ABCD3: variants seen among roughly 807,000 people sequenced by gnomAD.
The protein encoded by ABCD3 is ATP-binding cassette sub-family D member 3.
A neutral mutation model predicts 105.5 loss-of-function variants in ABCD3; 41 were observed. The observed-to-expected ratio is 0.39, with a 90% CI of 0.30 to 0.50. The LOEUF (loss-of-function observed/expected upper bound fraction) is 0.50. ABCD3 is among the 20% of genes least tolerant of loss of function. The probability of loss-of-function intolerance (pLI) is 0.84; values close to 1 mark genes in which losing one functional copy is unlikely to be tolerated. For synonymous variants in ABCD3, 258 were observed against 269.0 expected, an observed-to-expected ratio of 0.96 and a Z score of 0.40; for missense variants, 622 against 806.3, an observed-to-expected ratio of 0.77 and a Z score of 2.77.
Position 94,487,100 on chromosome 1 carries a change from A to G in ABCD3, c.898-442A>G, listed in dbSNP as rs182980112. On this transcript the variant is annotated intron_variant, in intron 10 of 22. Transcript: ENST00000370214. Reference sequence around the variant, plus strand: ...ATTGGGTGTAATACAATTCTTAGATAAAGCACAGACCATGTGTCTCCACTG... The same window carrying G: ...ATTGGGTGTAATACAATTCTTAGATGAAGCACAGACCATGTGTCTCCACTG... 1.7e-4 allele frequency among the ~76,000 whole-genome samples: 26 copies of G among 152,252 alleles called. 1 individual carries two copies. The highest frequency in any genetic ancestry group is 1.7e-3 in the Admixed American group (26 of 15,294).
At chr1:94,514,925 A>G (rs1650853426) in intron 21 of ABCD3, 1 of 524,116 alleles carries the variant, frequency 1.9e-6, no homozygotes, top group East Asian at 3.1e-5. Flanking sequence ...AAAGAAAATA[A>G]TACACTTAAT....
At chr1:94,428,443 T>C (rs1659552409) in intron 1 of ABCD3, among the ~76,000 whole-genome samples, 1 of 152,238 alleles carries the variant, frequency 6.6e-6, no homozygotes, top group Admixed American at 6.5e-5. Flanking sequence ...CAACATGTTA[T>C]GTTTATAATG....
intron 19 of ABCD3, among the ~76,000 whole-genome samples, 166 bp downstream of exon 19, chr1:94,499,200 A>G (rs1326271838): frequency 6.6e-6 from 1 of 152,190 alleles, no homozygotes; most frequent in Non-Finnish European, 1.5e-5. Context: ...CCTTGGCTTA[A>G]AAAGAGTTTA....
At chr1:94,413,646 T>C (rs1347175278), upstream of ABCD3, among the ~76,000 whole-genome samples, 1 of 152,218 alleles carries the variant, frequency 6.6e-6, no homozygotes, top group Non-Finnish European at 1.5e-5. Context: ...TGTCCTTTCC[T>C]TGGTGCAGTT....
chr1:94,453,379 C>T (rs1376961509), intron 1 of ABCD3, among the ~76,000 whole-genome samples: 1 of 147,510 alleles, frequency 6.8e-6, no homozygotes, highest in East Asian at 2.0e-4. Context: ...AGTGCAGTGG[C>T]GCGATCTCGG....
chr1:94,486,759 A>T (rs567219569), intron 10 of ABCD3, among the ~76,000 whole-genome samples: 5 of 152,356 alleles, frequency 3.3e-5, no homozygotes, highest in African/African-American at 1.2e-4. Context: ...GAGTCACAAA[A>T]TATAGATACC....
rs1189743290 is a variant in ABCD3 at position 94,478,324 on chromosome 1, G to C, written c.684+9G>C. 6.3e-7 allele frequency: 1 copy of C among 1,591,884 alleles called. No homozygotes were observed. The highest frequency in any genetic ancestry group is 1.7e-5 in the Admixed American group (1 of 59,854). On this transcript the variant is annotated intron_variant, in intron 8 of 22. Transcript: ENST00000370214. ...GTGCAATTGGAGCTCAGGTGAGTCTGCTTTTATTTCAACTTTTAAATTGAT... is the reference window on the plus strand; with the variant it reads ...GTGCAATTGGAGCTCAGGTGAGTCTCCTTTTATTTCAACTTTTAAATTGAT...
intron 10 of ABCD3, among the ~76,000 whole-genome samples, chr1:94,484,427 C>A (rs1410321802): frequency 1.3e-5 from 2 of 152,160 alleles, no homozygotes; most frequent in Non-Finnish European, 2.9e-5. Context: ...GAAAATGTGG[C>A]ACATATACAC....
Position 94,498,691 on chromosome 1 carries a change from T to C in ABCD3, c.1464+12T>C. The C allele has an allele frequency of 6.2e-7, 1 of 1,613,804 alleles. No homozygotes were observed. Among genetic ancestry groups the C allele is most frequent in the Non-Finnish European group, 8.5e-7 (1 of 1,179,930 alleles). The stretch of plus-strand genomic sequence containing the variant: ...GTGTTCTTGGTGAAGTAAGTACAAG[T>C]TGGCCTCAAAATTTTGCAGTCTTAT... On this transcript the variant is annotated intron_variant, in intron 17 of 22. Transcript: ENST00000370214.
rs374518219 is a variant in ABCD3 at position 94,489,780 on chromosome 1, A to C, written c.1213A>C (p.Lys405Gln). 1.2e-6 allele frequency: 2 copies of C among 1,613,246 alleles called. No individual in the cohort carries two copies. The highest frequency in any genetic ancestry group is 2.7e-5 in the African/African-American group (2 of 74,898). The change falls in exon 14 of 23, where the codon AAA becomes CAA. Residue 405 changes from lysine (K) to glutamine (Q), a missense_variant. Around this residue, in one of 4 missense-constraint regions of ABCD3, gnomAD observed 285 missense variants for 352.5 expected, o/e 0.81. Transcript: ENST00000370214. ...AGTACTGAAGGATTTAAATCATGGC[A>C]AATATGAGCGCACAATGGTCTCACA... ...MQVLKDLNHG[K>Q]YERTMVSQQE...
chr1:94,421,183 T>C (rs1000629533), intron 1 of ABCD3, among the ~76,000 whole-genome samples: 1 of 152,158 alleles, frequency 6.6e-6, no homozygotes, highest in Non-Finnish European at 1.5e-5. Flanking sequence ...ACATTCTATA[T>C]TCTTGTTTCA....
intron 13 of ABCD3, 104 bp downstream of exon 13, chr1:94,488,087 A>G: frequency 1.0e-6 from 1 of 957,510 alleles, no homozygotes; most frequent in Admixed American, 2.5e-5. Flanking sequence ...AACATTTCCT[A>G]GCCCAGGAAG....
At chr1:94,396,827 G>A in the ABCD3 span, among the ~76,000 whole-genome samples, 1 of 152,132 alleles carries the variant, frequency 6.6e-6, no homozygotes, top group East Asian at 1.9e-4. Context: ...GATCTCCGGA[G>A]GGTTATTTAA....
chr1:94,449,207 C>G (rs909363493), intron 1 of ABCD3, among the ~76,000 whole-genome samples: 33 of 152,198 alleles, frequency 2.2e-4, no homozygotes, highest in African/African-American at 7.7e-4. Context: ...CTGGGAGGAT[C>G]CCGAGGACCC....
chr1:94,408,852 G>A, the ABCD3 span, among the ~76,000 whole-genome samples: 3 of 152,122 alleles, frequency 2.0e-5, no homozygotes, highest in Non-Finnish European at 4.4e-5. Flanking sequence ...ACACAAGGAT[G>A]GAGGAACTTA....
Position 94,424,937 on chromosome 1 carries a change from T to C in ABCD3, c.110+6349T>C, listed in dbSNP as rs1409995504. Reference sequence around the variant, plus strand: ...AGTGGCTAGAACTGTGGCTGGAATATATAGTAGACACTCATATTTGTTTGA... The same window carrying C: ...AGTGGCTAGAACTGTGGCTGGAATACATAGTAGACACTCATATTTGTTTGA... On this transcript the variant is annotated intron_variant, in intron 1 of 22. Transcript: ENST00000370214. Among the ~76,000 whole-genome samples, 3 of 152,324 alleles carry C rather than the reference T, an allele frequency of 2.0e-5. No individual in the cohort carries two copies. The East Asian group carries it at 5.8e-4, about 29-fold the overall frequency.
intron 14 of ABCD3, 22 bp downstream of exon 14, chr1:94,489,838 T>A: frequency 6.2e-7 from 1 of 1,612,002 alleles, no homozygotes; most frequent in Non-Finnish European, 8.5e-7. Flanking sequence ...TGTCACAGTT[T>A]AAGGTCACAA....
At chr1:94,406,330 A>ATTTTTT in the ABCD3 span, 2 of 157,512 alleles carry the variant, frequency 1.3e-5, no homozygotes, top group African/African-American at 3.9e-5. Context: ...TCTTTATAGT[A>ATTTTTT]TTTTGTTTTG....
At chr1:94,484,818 T>A (rs1649208106) in intron 10 of ABCD3, among the ~76,000 whole-genome samples, 1 of 152,160 alleles carries the variant, frequency 6.6e-6, no homozygotes, top group African/African-American at 2.4e-5. Context: ...AGTGTATTTT[T>A]ACAGAGGTTG....
Sources: gnomAD v4.1 joint callset for allele counts (sites outside exome capture counted in the v4.1 genomes callset) on GRCh38, gnomAD v4.1.1 for gene constraint, gnomAD v4.1.1 regional missense constraint, MANE v1.5 for transcripts, NCBI Gene and HGNC (gene_info 2026-07-23, HGNC 2026-07-21) for gene names.